UIMC1: variants seen among roughly 807,000 people sequenced by gnomAD.
UIMC1 encodes the protein BRCA1-A complex subunit RAP80.
A neutral mutation model predicts 84.9 loss-of-function variants in UIMC1; 42 were observed. The observed-to-expected ratio is 0.49, with a 90% CI of 0.39 to 0.64. UIMC1 has a LOEUF of 0.64. UIMC1 is among the 30% of genes least tolerant of loss of function. The probability of loss-of-function intolerance (pLI) is 0.00; values close to 1 mark genes in which losing one functional copy is unlikely to be tolerated. For missense variants in UIMC1, 825 were observed against 847.6 expected (o/e 0.97, Z 0.33); for synonymous variants, 281 against 293.0 (o/e 0.96, Z 0.42).
At chr5:176,930,242 C>T (rs1332581806) in intron 10 of UIMC1, among the ~76,000 whole-genome samples, 6 of 152,110 alleles carry the variant, frequency 3.9e-5, no homozygotes, top group African/African-American at 1.4e-4. Flanking sequence ...ATTATATTAC[C>T]TTTATCTTCT....
chr5:176,982,913 G>T (rs558730603), intron 1 of UIMC1, among the ~76,000 whole-genome samples: 1 of 152,236 alleles, frequency 6.6e-6, no homozygotes, highest in Non-Finnish European at 1.5e-5. Flanking sequence ...TGGCCAGGCT[G>T]GTCTCAAACT....
rs1041854094 is a variant in UIMC1 at position 176,915,225 on chromosome 5, G to A, written c.1598-3836C>T. Among the ~76,000 whole-genome samples, 37 of 142,482 alleles carry A rather than the reference G, an allele frequency of 2.6e-4. 1 individual carries two copies. Among genetic ancestry groups the A allele is most frequent in the Admixed American group, 6.9e-5 (1 of 14,396 alleles). 93.5% of individuals were successfully genotyped at this position (142,482 alleles called of 152,430 possible). Reference sequence around the variant, plus strand: ...GCAACTTTCTGAATTCAGAGACTCTGGGTTTTATTTTGTTTCTTTTTTTTT... The same window carrying A: ...GCAACTTTCTGAATTCAGAGACTCTAGGTTTTATTTTGTTTCTTTTTTTTT... On this transcript the variant is annotated intron_variant, in intron 10 of 14. Coordinates refer to ENST00000511320, the MANE Select transcript of UIMC1 (RefSeq NM_001199298.2).
intron 3 of UIMC1, among the ~76,000 whole-genome samples, chr5:176,971,244 T>C (rs1769155957): frequency 1.3e-5 from 2 of 152,266 alleles, no homozygotes; most frequent in African/African-American, 4.8e-5. Context: ...CGCAACGCTT[T>C]ATGCTCAACA....
intron 8 of UIMC1, among the ~76,000 whole-genome samples, chr5:176,952,798 C>T (rs1029951496): frequency 6.6e-6 from 1 of 151,916 alleles, no homozygotes; most frequent in East Asian, 1.9e-4. Flanking sequence ...CACTGTCTCA[C>T]ACACACAAAA....
At chr5:176,951,643 A>T (rs1468935217) in intron 8 of UIMC1, 66 bp from the exon 9 acceptor site, 100 of 1,246,408 alleles carry the variant, frequency 8.0e-5, no homozygotes, top group Non-Finnish European at 1.1e-4. Flanking sequence ...AAAAAAACAA[A>T]CATGCCTATT....
At chr5:176,908,821 A>T (rs894673457) in intron 11 of UIMC1, 127 bp from the exon 12 acceptor site, 1 of 906,826 alleles carries the variant, frequency 1.1e-6, no homozygotes, top group Non-Finnish European at 1.6e-6. Flanking sequence ...ATATCAACCA[A>T]TGCAGATTCA....
At chr5:177,022,600 A>T (rs755152724) in exon 1 of UIMC1, 3 of 917,196 alleles carry the variant, frequency 3.3e-6, no homozygotes, top group African/African-American at 1.8e-5. Context: ...AAGCAAAATA[A>T]GCGCGGGGTC....
chr5:176,941,498 C>G (rs1157015186), intron 10 of UIMC1, among the ~76,000 whole-genome samples: 1 of 152,108 alleles, frequency 6.6e-6, no homozygotes, highest in Non-Finnish European at 1.5e-5. Context: ...TGTTTATGTA[C>G]TTCCTTATTT....
Position 177,020,310 on chromosome 5 carries a change from G to T in UIMC1, c.-9+2154C>A, listed in dbSNP as rs78884807. 5.3e-4 allele frequency among the ~76,000 whole-genome samples: 80 copies of T among 152,258 alleles called. No individual in the cohort carries two copies. In the East Asian group the frequency reaches 0.013, roughly 25 times the overall value. The stretch of plus-strand genomic sequence containing the variant: ...ATGGCTACGCCTTCTCATTAATCAG[G>T]TCTTAGCTCAAATGTCATTTTCCCA... On this transcript the variant is annotated intron_variant, in intron 1 of 5. Transcript: ENST00000509236.
chr5:176,931,813 C>T (rs1364930577), intron 10 of UIMC1, among the ~76,000 whole-genome samples: 1 of 151,938 alleles, frequency 6.6e-6, no homozygotes, highest in African/African-American at 2.4e-5. Flanking sequence ...AGTGAAACCC[C>T]GCCTCTACTA....
chr5:177,008,614 G>A (rs1775475666), upstream of UIMC1, among the ~76,000 whole-genome samples: 1 of 152,128 alleles, frequency 6.6e-6, no homozygotes, highest in Non-Finnish European at 1.5e-5. Context: ...TGCATTGGTG[G>A]TGGCAGCCAT....
At chr5:176,936,466 T>C (rs775106217) in intron 10 of UIMC1, among the ~76,000 whole-genome samples, 42 of 152,230 alleles carry the variant, frequency 2.8e-4, no homozygotes, top group African/African-American at 7.7e-4. Flanking sequence ...ACTGTCCACA[T>C]AGTAGCAACC....
intron 10 of UIMC1, among the ~76,000 whole-genome samples, chr5:176,931,976 A>AAAAC (rs778764907): frequency 1.8e-4 from 28 of 152,214 alleles, no homozygotes; most frequent in African/African-American, 3.4e-4. Context: ...CCATCTCTAA[A>AAAAC]AAACAAACAA....
intron 4 of UIMC1, 129 bp downstream of exon 4, chr5:176,970,613 T>G: frequency 7.0e-7 from 1 of 1,429,190 alleles, no homozygotes. Context: ...AAAAAATTAC[T>G]ATGGGAATTT....
At chr5:176,912,340 T>C (rs568684133) in intron 10 of UIMC1, among the ~76,000 whole-genome samples, 15 of 152,320 alleles carry the variant, frequency 9.8e-5, no homozygotes, top group African/African-American at 3.6e-4. Context: ...TTATCTACAA[T>C]AACAGGTATC....
At chr5:176,926,777 GA>G (rs531127155) in intron 10 of UIMC1, among the ~76,000 whole-genome samples, 58 of 152,144 alleles carry the variant, frequency 3.8e-4, no homozygotes, top group African/African-American at 1.4e-3. Context: ...GAAAGAAAAA[GA>G]AGAGAAATAG....
intron 9 of UIMC1, 33 bp downstream of exon 9, chr5:176,951,441 C>A: frequency 6.8e-7 from 1 of 1,461,486 alleles, no homozygotes; most frequent in Non-Finnish European, 9.1e-7. Context: ...CGGAAAGAAA[C>A]CACTGAGAAA....
chr5:176,998,681 C>T (rs1052921442), intron 1 of UIMC1, among the ~76,000 whole-genome samples: 2 of 151,354 alleles, frequency 1.3e-5, no homozygotes, highest in African/African-American at 2.4e-5. Context: ...GCAGGAGAAT[C>T]GCTTGAACCC....
chr5:176,949,640 C>T (rs1290980178), intron 9 of UIMC1, among the ~76,000 whole-genome samples: 1 of 152,166 alleles, frequency 6.6e-6, no homozygotes, highest in East Asian at 1.9e-4. Flanking sequence ...GAATCTTGGT[C>T]AATTGTGACA....
Sources: gnomAD v4.1 joint callset for allele counts (sites outside exome capture counted in the v4.1 genomes callset) on GRCh38, gnomAD v4.1.1 for gene constraint, MANE v1.5 for transcripts, NCBI Gene and HGNC (gene_info 2026-07-23, HGNC 2026-07-21) for gene names.